The following CACNA1G variants were observed in gnomAD, a reference collection of about 807,000 sequenced individuals.
The protein encoded by CACNA1G is calcium voltage-gated channel subunit alpha1 G.
CACNA1G carries 67 observed loss-of-function variants against 219.4 expected under a neutral mutation model. The ratio of observed to expected loss-of-function variants is 0.31; its 90% CI spans 0.25 to 0.37. The LOEUF is 0.37. Among genes scored for constraint, CACNA1G ranks in the 10% least tolerant of loss-of-function variants. The probability of loss-of-function intolerance (pLI) is 1.00; values close to 1 mark genes in which losing one functional copy is unlikely to be tolerated. For missense variants in CACNA1G, 2,380 were observed against 3,231.4 expected (o/e 0.74, Z 6.39); for synonymous variants, 1,296 against 1,345.3 (o/e 0.96, Z 0.80).
intron 18 of CACNA1G, 42 bp from the exon 19 acceptor site, chr17:50,601,009 C>T: frequency 6.2e-7 from 1 of 1,605,270 alleles, no homozygotes; most frequent in East Asian, 2.2e-5. Context: ...TTGCCACCTG[C>T]CCTGCCTCCC....
chr17:50,583,762 A>G (rs1049031980), intron 9 of CACNA1G, among the ~76,000 whole-genome samples: 3 of 152,092 alleles, frequency 2.0e-5, no homozygotes, highest in African/African-American at 7.3e-5. Flanking sequence ...GCTCTGAAGG[A>G]CAGTCAGGTT....
intron 8 of CACNA1G, among the ~76,000 whole-genome samples, chr17:50,577,163 C>T (rs1274246094): frequency 1.3e-5 from 2 of 152,120 alleles, no homozygotes; most frequent in Non-Finnish European, 2.9e-5. Context: ...TGCCACGGGA[C>T]GTGGGCCAGT....
At chr17:50,619,256 C>T (rs896487938) in intron 33 of CACNA1G, among the ~76,000 whole-genome samples, 1 of 152,178 alleles carries the variant, frequency 6.6e-6, no homozygotes, top group East Asian at 1.9e-4. Flanking sequence ...CCTGGTCTGG[C>T]CTCCCCTTCC....
At chr17:50,610,578 C>T (rs2048994112) in intron 26 of CACNA1G, among the ~76,000 whole-genome samples, 1 of 152,096 alleles carries the variant, frequency 6.6e-6, no homozygotes, top group East Asian at 1.9e-4. Context: ...GTCCCTCGGT[C>T]CCCTGCTCTC....
chr17:50,617,647 C>A lies in CACNA1G; in HGVS notation c.5155+76C>A. ...GAGAGAGCAAGGGTCGGCTTTGTGG[C>A]TGGTCAAGGCCTGGGCGGCTGTGGG... On this transcript the variant is annotated intron_variant, in intron 29 of 37. Transcript: ENST00000359106. This position sits in a 1 kb window ranked among gnomAD's most constrained non-coding sequence, Gnocchi z 5.8. 1.3e-6 allele frequency: 2 copies of A among 1,556,140 alleles called. No homozygotes were observed. The highest frequency in any genetic ancestry group is 8.7e-7 in the Non-Finnish European group (1 of 1,144,160).
chr17:50,566,249 C>T (rs2037807890), intron 1 of CACNA1G, among the ~76,000 whole-genome samples: 1 of 152,082 alleles, frequency 6.6e-6, no homozygotes, highest in South Asian at 2.1e-4. Context: ...GAACATCACA[C>T]AGTGACATAC....
At chr17:50,589,559 T>C (rs1271040653) in intron 9 of CACNA1G, among the ~76,000 whole-genome samples, 3 of 152,128 alleles carry the variant, frequency 2.0e-5, no homozygotes, top group East Asian at 1.9e-4. Context: ...GCACTTCATA[T>C]TGAAAGCGAG....
At chr17:50,576,726 G>A (rs2040748062) in intron 8 of CACNA1G, among the ~76,000 whole-genome samples, 1 of 152,220 alleles carries the variant, frequency 6.6e-6, no homozygotes, top group Non-Finnish European at 1.5e-5. Context: ...CAGGAGGCTT[G>A]AGGGGATTGC....
rs79664136 is a variant in CACNA1G at position 50,578,094 on chromosome 17, C to T, written c.1925-94C>T. 2,983 of 1,433,164 alleles carry T rather than the reference C, an allele frequency of 2.1e-3. 57 individuals are homozygous for T. In the African/African-American group the frequency reaches 0.034, roughly 17 times the overall value. The allele number at this position is 1,433,164 out of a possible 1,614,324, so 88.8% of individuals were successfully genotyped here. On this transcript the variant is annotated intron_variant, in intron 8 of 37. Transcript: ENST00000359106. This position sits in a 1 kb window ranked among gnomAD's most constrained non-coding sequence, Gnocchi z 4.5. ...CTAGCACCCCATCACTGTAACAACC[C>T]CAGACTCCCTGACTCATTTTACACA...
At chr17:50,619,580 CCT>C (rs1266475085) in intron 33 of CACNA1G, 101 bp from the exon 34 acceptor site, 13 of 1,077,808 alleles carry the variant, frequency 1.2e-5, no homozygotes, top group East Asian at 8.4e-5. Flanking sequence ...ACCTCTTTCT[CCT>C]CTGTTTCTCT....
intron 35 of CACNA1G, among the ~76,000 whole-genome samples, chr17:50,623,096 T>G (rs1247577758): frequency 7.2e-6 from 1 of 139,768 alleles, no homozygotes; most frequent in Admixed American, 7.0e-5. Flanking sequence ...GTTGGCTTTT[T>G]TTTTTTTTTT....
intron 37 of CACNA1G, among the ~76,000 whole-genome samples, chr17:50,624,997 G>A (rs1034160783): frequency 3.1e-5 from 4 of 130,702 alleles, no homozygotes; most frequent in Admixed American, 1.7e-4. Context: ...TTGTTGCCCA[G>A]GCTGGAGTGC....
chr17:50,591,790 G>A lies in CACNA1G; in HGVS notation c.2691G>A (p.Gly897=). Reference sequence around the variant, plus strand: ...GCAAGTTTGCCTCTGAGCGGGATGGGGACACCCTGCCAGACCGGAAGAATT... The same window carrying A: ...GCAAGTTTGCCTCTGAGCGGGATGGAGACACCCTGCCAGACCGGAAGAATT... ...FGCKFASERD[G]DTLPDRKNFD... Residue 897 remains glycine (G), a synonymous_variant, in exon 12 of 38, where the codon GGG becomes GGA. Coordinates refer to ENST00000359106, the MANE Select transcript of CACNA1G (RefSeq NM_018896.5). The A allele has an allele frequency of 6.2e-7, 1 of 1,613,936 alleles. No homozygotes were observed. The highest frequency in any genetic ancestry group is 8.5e-7 in the Non-Finnish European group (1 of 1,179,858).
intron 4 of CACNA1G, among the ~76,000 whole-genome samples, chr17:50,570,081 C>G (rs933824546): frequency 1.3e-5 from 2 of 152,012 alleles, no homozygotes; most frequent in Admixed American, 6.5e-5. Flanking sequence ...GATGACCACT[C>G]CCCCCAGGAG....
chr17:50,616,370 G>C lies in CACNA1G; in HGVS notation c.5007G>C (p.Arg1669=). 6.2e-7 allele frequency: 1 copy of C among 1,609,160 alleles called. No homozygotes were observed. The change falls in exon 28 of 38, where the codon CGG becomes CGC. Residue 1669 remains arginine, a synonymous_variant. Transcript: ENST00000359106. The stretch of plus-strand genomic sequence containing the variant: ...AACTTGTGGCCTTTGGTTTCCGTCG[G>C]TTCTTCCAGGACAGGTAACGGAGAA... The part of the protein sequence containing the change: ...VFKLVAFGFR[R]FFQDRWNQLD...
Position 50,626,615 on chromosome 17 carries a change from G to A in CACNA1G, c.6998G>A (p.Arg2333Lys). Reference protein sequence around the residue: ...TPPSPGICLRRRAPSSDSKDP... With the variant: ...TPPSPGICLRKRAPSSDSKDP... ...CCCAGCCCTGGTATCTGCCTCCGGA[G>A]GAGGGCTCCGTCCAGCGACTCCAAG... Residue 2333 changes from arginine (R) to lysine (K), a missense_variant, in exon 38 of 38, where the codon AGG (arginine) becomes AAG (lysine). Transcript: ENST00000359106. This position sits in a 1 kb window ranked among gnomAD's most constrained non-coding sequence, Gnocchi z 4.3. The A allele has an allele frequency of 6.2e-7, 1 of 1,612,658 alleles. No homozygotes were observed. Among genetic ancestry groups the A allele is most frequent in the South Asian group, 1.1e-5 (1 of 91,010 alleles).
intron 9 of CACNA1G, among the ~76,000 whole-genome samples, chr17:50,583,050 A>G (rs923623904): frequency 2.6e-5 from 4 of 152,120 alleles, no homozygotes; most frequent in African/African-American, 9.7e-5. Context: ...GAAGGAGGTC[A>G]TAGACTCCTT....
intron 9 of CACNA1G, among the ~76,000 whole-genome samples, chr17:50,582,328 G>A (rs1484674424): frequency 2.0e-5 from 3 of 152,148 alleles, no homozygotes; most frequent in African/African-American, 7.2e-5. Flanking sequence ...AGTGGTCCAG[G>A]CAGTTCATAC....
intron 35 of CACNA1G, among the ~76,000 whole-genome samples, chr17:50,622,091 C>T (rs1044944388): frequency 3.3e-5 from 5 of 152,242 alleles, no homozygotes; most frequent in East Asian, 1.9e-4. Context: ...AGGAGTGACA[C>T]GGCCCAAAAC....
Sources: gnomAD v4.1 joint callset for allele counts (sites outside exome capture counted in the v4.1 genomes callset) on GRCh38, gnomAD v4.1.1 for gene constraint, Gnocchi (gnomAD v3.1) non-coding constraint, MANE v1.5 for transcripts, NCBI Gene and HGNC (gene_info 2026-07-23, HGNC 2026-07-21) for gene names.